Variants in EMP2 observed in about 807,000 individuals in gnomAD.
EMP2 encodes the protein epithelial membrane protein 2.
EMP2 carries 19 observed loss-of-function variants against 13.7 expected under a neutral mutation model. That is an observed-to-expected ratio of 1.38 (90% CI 0.97 to 2.03). The LOEUF is 2.03. Among genes scored for constraint, EMP2 ranks in the 30% most tolerant of loss-of-function variants. The pLI is 0.00. For missense variants in EMP2, 253 were observed against 220.7 expected (o/e 1.15, Z -0.93); for synonymous variants, 97 against 84.7 (o/e 1.15, Z -0.80).
intron 1 of EMP2, among the ~76,000 whole-genome samples, chr16:10,563,083 T>C (rs1412699992): frequency 6.6e-6 from 1 of 152,176 alleles, no homozygotes; most frequent in Non-Finnish European, 1.5e-5. Context: ...CTCACACCCA[T>C]TAGTTTAGGA....
chr16:10,543,870 A>AT (rs2050719935), intron 2 of EMP2, among the ~76,000 whole-genome samples: 2 of 151,872 alleles, frequency 1.3e-5, no homozygotes, highest in Admixed American at 6.6e-5. Context: ...CTATTTATTT[A>AT]TTTTTTTGAG....
chr16:10,551,284 T>C (rs955119108), intron 1 of EMP2, among the ~76,000 whole-genome samples: 2 of 152,220 alleles, frequency 1.3e-5, no homozygotes, highest in Non-Finnish European at 2.9e-5. Flanking sequence ...TTTAGCACAG[T>C]GTTTCAAAGG....
At chr16:10,570,433 G>T (rs531964809) in intron 1 of EMP2, among the ~76,000 whole-genome samples, 1 of 151,930 alleles carries the variant, frequency 6.6e-6, no homozygotes, top group Middle Eastern at 3.2e-3. Context: ...GTCTTGCCCC[G>T]TCACCCAGAG....
chr16:10,561,300 G>T (rs528584749), intron 1 of EMP2, among the ~76,000 whole-genome samples: 4 of 152,230 alleles, frequency 2.6e-5, no homozygotes, highest in Non-Finnish European at 5.9e-5. Context: ...AATGCATTCA[G>T]GTAGTTGGAA....
intron 1 of EMP2, among the ~76,000 whole-genome samples, chr16:10,571,082 C>A (rs1255114175): frequency 6.6e-6 from 1 of 151,266 alleles, no homozygotes; most frequent in Non-Finnish European, 1.5e-5. Flanking sequence ...CACGGTGAAA[C>A]CCTGCCTCTA....
At chr16:10,539,529 G>A (rs998989118) in intron 3 of EMP2, among the ~76,000 whole-genome samples, 4 of 152,110 alleles carry the variant, frequency 2.6e-5, no homozygotes, top group African/African-American at 9.7e-5. Context: ...GTCAGAAGTG[G>A]TTGCCCTCGG....
intron 1 of EMP2, among the ~76,000 whole-genome samples, chr16:10,567,972 G>C (rs2142206444): frequency 6.6e-6 from 1 of 152,330 alleles, no homozygotes; most frequent in South Asian, 2.1e-4. Flanking sequence ...CCCAGTAAGT[G>C]GCAGAGCTGG....
chr16:10,579,789 C>A (rs2051012827), intron 1 of EMP2, among the ~76,000 whole-genome samples: 1 of 151,950 alleles, frequency 6.6e-6, no homozygotes, highest in South Asian at 2.1e-4. Context: ...CTGAAGCTGG[C>A]CTGGAGGGAG....
chr16:10,547,776 C>T, intron 1 of EMP2, 99 bp from the exon 2 acceptor site: 1 of 676,652 alleles, frequency 1.5e-6, no homozygotes, highest in Non-Finnish European at 2.5e-6. Flanking sequence ...TGGCTCATGC[C>T]TATAATCCTG....
At chr16:10,546,638 G>C (rs958449937) in intron 2 of EMP2, 1 of 152,146 alleles carries the variant, frequency 6.6e-6, no homozygotes, top group East Asian at 1.9e-4. Flanking sequence ...GGAAGATCTA[G>C]GGCAGCGGTC....
Position 10,558,075 on chromosome 16 carries a change from G to C in EMP2, c.-60-10398C>G, listed in dbSNP as rs544262687. Among the ~76,000 whole-genome samples, 68 of 151,670 alleles carry C rather than the reference G, an allele frequency of 4.5e-4. 2 individuals carry two copies. The South Asian group carries it at 0.014, about 30-fold the overall frequency. ...AACAGGATCTCTCTCTGTTGCCCAG[G>C]CTGGAGTGCAGTGGCTCAAACATTG... On this transcript the variant is annotated intron_variant, in intron 1 of 4. Coordinates refer to ENST00000359543, the MANE Select transcript of EMP2 (RefSeq NM_001424.6).
chr16:10,551,654 G>C (rs1275170402), intron 1 of EMP2, among the ~76,000 whole-genome samples: 1 of 152,152 alleles, frequency 6.6e-6, no homozygotes, highest in Non-Finnish European at 1.5e-5. Context: ...TGATCTGCCT[G>C]CCTTGGTCTC....
chr16:10,579,898 G>A (rs1050217283), intron 1 of EMP2, among the ~76,000 whole-genome samples: 16 of 152,184 alleles, frequency 1.1e-4, no homozygotes, highest in African/African-American at 3.1e-4. Flanking sequence ...GATTTGGGGA[G>A]GGCGTAGAAT....
At chr16:10,569,224 C>T (rs907558361) in intron 1 of EMP2, among the ~76,000 whole-genome samples, 1 of 152,246 alleles carries the variant, frequency 6.6e-6, no homozygotes, top group Non-Finnish European at 1.5e-5. Flanking sequence ...GTGTCAATCA[C>T]ACCACTGTGA....
Position 10,543,488 on chromosome 16 carries a change from A to T in EMP2, c.169+82T>A. 1.4e-6 allele frequency: 2 copies of T among 1,466,560 alleles called. 1 individual carries two copies. Among genetic ancestry groups the T allele is most frequent in the Non-Finnish European group, 1.9e-6 (2 of 1,047,836 alleles). The allele number at this position is 1,466,560 out of a possible 1,614,324, so 90.8% of individuals were successfully genotyped here. On this transcript the variant is annotated intron_variant, in intron 3 of 4. Transcript: ENST00000359543. ...GCAGTGAGTGGAGGAGAGGGTACGGAGTCGGGGAACCCGAAGCCTCACTCC... is the reference window on the plus strand; with the variant it reads ...GCAGTGAGTGGAGGAGAGGGTACGGTGTCGGGGAACCCGAAGCCTCACTCC...
intron 1 of EMP2, among the ~76,000 whole-genome samples, chr16:10,571,861 A>G (rs28583574): frequency 0.36 from 54,109 of 152,072 alleles, 9,979 homozygotes; most frequent in Non-Finnish European, 0.4. Context: ...GATGGGCGGT[A>G]GTGGTGTATA....
intron 1 of EMP2, among the ~76,000 whole-genome samples, chr16:10,578,995 G>A (rs1237428544): frequency 6.6e-6 from 1 of 152,250 alleles, no homozygotes; most frequent in African/African-American, 2.4e-5. Context: ...GGCAGATGGA[G>A]GTTCAAGGTC....
chr16:10,579,956 G>T (rs2051014718), intron 1 of EMP2, among the ~76,000 whole-genome samples: 1 of 152,148 alleles, frequency 6.6e-6, no homozygotes, highest in African/African-American at 2.4e-5. Flanking sequence ...ACATGGGTGC[G>T]GTCTCGCCTC....
Position 10,580,180 on chromosome 16 carries a change from G to A in EMP2, c.-61+369C>T, listed in dbSNP as rs947647761. Among the ~76,000 whole-genome samples, 14 of 152,184 alleles carry A rather than the reference G, an allele frequency of 9.2e-5. No homozygotes were observed. The highest frequency in any genetic ancestry group is 2.9e-5 in the Non-Finnish European group (2 of 68,030). On this transcript the variant is annotated intron_variant, in intron 1 of 4. Coordinates refer to ENST00000359543, the MANE Select transcript of EMP2 (RefSeq NM_001424.6). The surrounding 1 kb of genome is among the most constrained non-coding windows in gnomAD (Gnocchi z 4.3). ...CCAGTCCTGCCCGCGAGGCGAGTCT[G>A]GGGACGCTGCCCGGGAATCCCTCAC...
Sources: gnomAD v4.1 joint callset for allele counts (sites outside exome capture counted in the v4.1 genomes callset) on GRCh38, gnomAD v4.1.1 for gene constraint, Gnocchi (gnomAD v3.1) non-coding constraint, MANE v1.5 for transcripts, NCBI Gene and HGNC (gene_info 2026-07-23, HGNC 2026-07-21) for gene names.